Variants in TFDP2 observed in about 807,000 individuals in gnomAD.
The protein encoded by TFDP2 is transcription factor Dp-2 (E2F dimerization partner 2).
A neutral mutation model predicts 59.3 loss-of-function variants in TFDP2; 17 were observed. That is an observed-to-expected ratio of 0.29 (90% CI 0.20 to 0.43). The LOEUF is 0.43. Ranked by LOEUF, TFDP2 falls within the 20% of genes least tolerant of loss-of-function variation. TFDP2 has a pLI of 1.00. For synonymous variants in TFDP2, 180 were observed against 194.7 expected (o/e 0.92, Z 0.63); for missense variants, 391 against 528.8 (o/e 0.74, Z 2.56).
intron 3 of TFDP2, among the ~76,000 whole-genome samples, chr3:142,087,356 G>T (rs2108601056): frequency 6.6e-6 from 1 of 152,154 alleles, no homozygotes; most frequent in South Asian, 2.1e-4. Flanking sequence ...AAGTATTTGT[G>T]TACCTAAACA....
chr3:142,068,191 T>C (rs879895051), intron 3 of TFDP2, among the ~76,000 whole-genome samples: 4 of 152,022 alleles, frequency 2.6e-5, no homozygotes, highest in Non-Finnish European at 5.9e-5. Context: ...GAGAGTCTTT[T>C]CAATAAATGA....
chr3:142,080,125 G>C (rs969135303), intron 3 of TFDP2, among the ~76,000 whole-genome samples: 1 of 152,040 alleles, frequency 6.6e-6, no homozygotes, highest in African/African-American at 2.4e-5. Flanking sequence ...TACCATGCCT[G>C]GCTAATTCTT....
At chr3:141,995,894 A>C (rs1243689704) in intron 4 of TFDP2, among the ~76,000 whole-genome samples, 4 of 150,666 alleles carry the variant, frequency 2.7e-5, no homozygotes, top group Non-Finnish European at 3.0e-5. Flanking sequence ...AAAAAAAAAA[A>C]AAAAAAAAAA....
chr3:142,019,668 T>C (rs1945443217), intron 3 of TFDP2, among the ~76,000 whole-genome samples: 1 of 150,836 alleles, frequency 6.6e-6, no homozygotes, highest in Non-Finnish European at 1.5e-5. Context: ...CATCTTCTTA[T>C]ACAATTTTAA....
At chr3:142,090,976 T>C (rs1327147058) in intron 3 of TFDP2, 1 of 152,288 alleles carries the variant, frequency 6.6e-6, no homozygotes, top group Non-Finnish European at 1.5e-5. Context: ...ATGTCTTCCA[T>C]GTCTACCAAG....
At chr3:142,003,936 A>ATTTT (rs1475338437) in intron 4 of TFDP2, among the ~76,000 whole-genome samples, 1 of 152,220 alleles carries the variant, frequency 6.6e-6, no homozygotes, top group African/African-American at 2.4e-5. Context: ...ATAGAAAATA[A>ATTTT]TCTCTCAAAA....
At chr3:142,060,091 C>T (rs966456394) in intron 3 of TFDP2, among the ~76,000 whole-genome samples, 2 of 152,032 alleles carry the variant, frequency 1.3e-5, no homozygotes, top group Admixed American at 6.6e-5. Context: ...AAAATAAGTA[C>T]CACATAAAAA....
At chr3:142,115,953 T>C (rs1345566710) in intron 1 of TFDP2, among the ~76,000 whole-genome samples, 1 of 152,220 alleles carries the variant, frequency 6.6e-6, no homozygotes, top group Non-Finnish European at 1.5e-5. Context: ...AATTATATTG[T>C]ACCAATGTCA....
chr3:141,958,392 A>G (rs542131006), intron 11 of TFDP2, among the ~76,000 whole-genome samples: 3 of 152,352 alleles, frequency 2.0e-5, no homozygotes, highest in African/African-American at 7.2e-5. Context: ...AAATCACCAA[A>G]GAGTATATTA....
At chr3:142,013,533 G>T (rs1944886056) in intron 3 of TFDP2, among the ~76,000 whole-genome samples, 1 of 152,176 alleles carries the variant, frequency 6.6e-6, no homozygotes, top group South Asian at 2.1e-4. Context: ...TCCAGAAACT[G>T]ATTCCTGGGA....
chr3:142,149,513 G>A lies in TFDP2; in HGVS notation c.-423C>T. On this transcript the variant is annotated 5_prime_UTR_variant, in exon 1 of 13. Transcript: ENST00000489671. Reference sequence around the variant, plus strand: ...CCAGCTACAGCCCCGCTTCCCCCGCGCGAGCTTTGGCGGCGGAGCAGCACA... The same window carrying A: ...CCAGCTACAGCCCCGCTTCCCCCGCACGAGCTTTGGCGGCGGAGCAGCACA... 1.2e-5 allele frequency: 4 copies of A among 332,568 alleles called. 1 individual carries two copies. In the East Asian group the frequency reaches 1.8e-4, roughly 15 times the overall value. The allele number at this position is 332,568 out of a possible 1,614,324, so 20.6% of individuals were successfully genotyped here.
Position 141,984,350 on chromosome 3 carries a change from T to A in TFDP2, c.357-5668A>T, listed in dbSNP as rs540761545. Among the ~76,000 whole-genome samples the A allele has an allele frequency of 7.9e-5, 12 of 152,036 alleles. No homozygotes were observed. In the South Asian group the frequency reaches 2.5e-3, roughly 32 times the overall value. ...CCCCGTTTACTAAAAATACAAAAAT[T>A]AGCTGGTGTGGTGGCGCGTGCCTGT... On this transcript the variant is annotated intron_variant, in intron 6 of 12. Transcript: ENST00000489671.
At chr3:141,996,606 C>G (rs927965400) in intron 4 of TFDP2, among the ~76,000 whole-genome samples, 2 of 152,152 alleles carry the variant, frequency 1.3e-5, no homozygotes, top group African/African-American at 4.8e-5. Flanking sequence ...CTAACTTGCT[C>G]CATACATAAC....
chr3:141,973,123 A>ATATATATT lies in TFDP2; in HGVS notation c.663+924_663+925insAATATATA. On this transcript the variant is annotated intron_variant, in intron 8 of 12. Transcript: ENST00000489671. ...TATATATATATATATATATATATATATTTTTTTTTTTTAAAGATGGAGTCT... is the reference window on the plus strand; with the variant it reads ...TATATATATATATATATATATATATATATATATTTTTTTTTTTTTTAAAGATGGAGTCT... Among the ~76,000 whole-genome samples the ATATATATT allele has an allele frequency of 2.3e-3, 136 of 57,994 alleles. 1 individual carries two copies. Among genetic ancestry groups the ATATATATT allele is most frequent in the South Asian group, 6.5e-3 (14 of 2,148 alleles). 38.0% of individuals were successfully genotyped at this position (57,994 alleles called of 152,430 possible).
intron 2 of TFDP2, among the ~76,000 whole-genome samples, chr3:142,098,900 A>C (rs1204500442): frequency 6.6e-6 from 1 of 152,196 alleles, no homozygotes; most frequent in Non-Finnish European, 1.5e-5. Context: ...CAGCCTCTAG[A>C]CTTTTCAATT....
chr3:142,046,718 C>T (rs1947360398), intron 3 of TFDP2, among the ~76,000 whole-genome samples: 1 of 152,168 alleles, frequency 6.6e-6, no homozygotes, highest in Non-Finnish European at 1.5e-5. Flanking sequence ...TCTCAGGGAT[C>T]AATCTTCATT....
chr3:142,084,475 T>C (rs777052101), intron 3 of TFDP2, among the ~76,000 whole-genome samples: 2 of 152,200 alleles, frequency 1.3e-5, no homozygotes, highest in Non-Finnish European at 2.9e-5. Flanking sequence ...CTACTAGGTA[T>C]ACACCCAAAA....
intron 3 of TFDP2, among the ~76,000 whole-genome samples, chr3:142,009,360 T>G (rs1425969701): frequency 6.6e-6 from 1 of 152,184 alleles, no homozygotes; most frequent in African/African-American, 2.4e-5. Context: ...TTAACATGAC[T>G]GAACTGGTAT....
At chr3:142,062,870 G>T (rs577524775) in intron 3 of TFDP2, among the ~76,000 whole-genome samples, 1 of 152,244 alleles carries the variant, frequency 6.6e-6, no homozygotes, top group South Asian at 2.1e-4. Flanking sequence ...AGCAAGAGAA[G>T]CCAGTCACAA....
Sources: gnomAD v4.1 joint callset for allele counts (sites outside exome capture counted in the v4.1 genomes callset) on GRCh38, gnomAD v4.1.1 for gene constraint, MANE v1.5 for transcripts, NCBI Gene and HGNC (gene_info 2026-07-23, HGNC 2026-07-21) for gene names.